The following SEMA3D variants were observed in gnomAD, a reference collection of about 807,000 sequenced individuals.
The protein encoded by SEMA3D is semaphorin-3D.
SEMA3D carries 84 observed loss-of-function variants against 100.1 expected under a neutral mutation model. The ratio of observed to expected loss-of-function variants is 0.84; its 90% CI spans 0.70 to 1.01. The LOEUF (loss-of-function observed/expected upper bound fraction) is 1.01, where lower values mean the gene tolerates loss of function less well. SEMA3D is among the 50% of genes least tolerant of loss of function. The pLI is 0.00. For missense variants in SEMA3D, 875 were observed against 934.1 expected, an observed-to-expected ratio of 0.94 and a Z score of 0.82; for synonymous variants, 312 against 320.7, an observed-to-expected ratio of 0.97 and a Z score of 0.29.
intron 6 of SEMA3D, among the ~76,000 whole-genome samples, chr7:85,070,010 C>A (rs1182383290): frequency 6.6e-6 from 1 of 152,130 alleles, no homozygotes; most frequent in Non-Finnish European, 1.5e-5. Context: ...AGTATACAAT[C>A]ATTTTCTCAT....
intron 4 of SEMA3D, among the ~76,000 whole-genome samples, chr7:85,084,150 A>C (rs1583906865): frequency 1.3e-5 from 2 of 151,866 alleles, no homozygotes; most frequent in Middle Eastern, 6.8e-3. Context: ...CCATCTCAAA[A>C]GAAAAAAAAA....
At chr7:85,206,482 T>C in the SEMA3D span, among the ~76,000 whole-genome samples, 2 of 152,092 alleles carry the variant, frequency 1.3e-5, no homozygotes, top group Non-Finnish European at 2.9e-5. Flanking sequence ...GTAGTTCTTT[T>C]CCTAGAAATT....
intron 18 of SEMA3D, among the ~76,000 whole-genome samples, chr7:85,000,221 T>C (rs568325868): frequency 1.1e-4 from 16 of 152,188 alleles, no homozygotes; most frequent in Non-Finnish European, 2.4e-4. Context: ...AGATTTCATA[T>C]ACAAATTACT....
intron 4 of SEMA3D, among the ~76,000 whole-genome samples, chr7:85,094,359 A>G (rs1788485953): frequency 6.6e-6 from 1 of 152,056 alleles, no homozygotes; most frequent in African/African-American, 2.4e-5. Flanking sequence ...GTTGTGGTGA[A>G]CAGATTAGAT....
intron 16 of SEMA3D, among the ~76,000 whole-genome samples, chr7:85,014,325 T>A (rs1790037884): frequency 6.6e-6 from 1 of 151,828 alleles, no homozygotes; most frequent in Non-Finnish European, 1.5e-5. Flanking sequence ...ATTAACATAG[T>A]ATATTTAGCT....
chr7:85,122,136 G>A (rs1268245114), intron 2 of SEMA3D, among the ~76,000 whole-genome samples: 1 of 151,480 alleles, frequency 6.6e-6, no homozygotes, highest in Non-Finnish European at 1.5e-5. Flanking sequence ...ACCTAATGTA[G>A]ATGACAGGTT....
rs751408256 is a variant in SEMA3D, at chr7:84,999,748, T to C, written c.2026A>G (p.Ile676Val). Residue 676 changes from isoleucine to valine, a missense_variant, in exon 19 of 19, where the codon ATA becomes GTA. Physicochemically the swap from Ile to Val is conservative, Grantham distance 29. Coordinates refer to ENST00000284136, the MANE Select transcript of SEMA3D (RefSeq NM_001384900.1). ...KAQEHTFIHTIVKLTLNVIEN... is the reference protein window; with the variant it reads ...KAQEHTFIHTVVKLTLNVIEN... ...ATGACATTCAAAGTCAGCTTCACTA[T>C]GGTGTGGATGAAAGTGTGCTCCTGG... The C allele has an allele frequency of 6.2e-6, 10 of 1,614,086 alleles. No homozygotes were observed. In the South Asian group the frequency reaches 1.1e-4, roughly 18 times the overall value.
At chr7:85,075,239 T>A (rs1434423992) in intron 5 of SEMA3D, among the ~76,000 whole-genome samples, 1 of 152,004 alleles carries the variant, frequency 6.6e-6, no homozygotes, top group South Asian at 2.1e-4. Context: ...CAGTTAGAAT[T>A]TAGAAAGTAA....
At chr7:85,138,833 C>T (rs1789953895) in intron 2 of SEMA3D, among the ~76,000 whole-genome samples, 1 of 151,238 alleles carries the variant, frequency 6.6e-6, no homozygotes, top group Non-Finnish European at 1.5e-5. Context: ...GCTGACAGGC[C>T]CCGATGTGTG....
the SEMA3D span, among the ~76,000 whole-genome samples, chr7:85,236,276 T>TTTAA: frequency 1.4e-5 from 2 of 139,066 alleles, no homozygotes; most frequent in African/African-American, 3.0e-5. Flanking sequence ...TTTTATTTTA[T>TTTAA]TTTATTTTAT....
chr7:85,225,050 TTATATATA>T, the SEMA3D span, among the ~76,000 whole-genome samples: 1,976 of 76,084 alleles, frequency 0.026, 43 homozygotes, highest in East Asian at 0.035. Flanking sequence ...TGATTTTCTT[TTATATATA>T]TATATATATA....
intron 1 of SEMA3D, among the ~76,000 whole-genome samples, chr7:85,176,100 C>T (rs1791217672): frequency 6.6e-6 from 1 of 151,816 alleles, no homozygotes; most frequent in East Asian, 1.9e-4. Flanking sequence ...TGAGTCTATA[C>T]AAAAAAGTGA....
rs11976959 is a variant in SEMA3D at position 85,147,097 on chromosome 7, T to C, written c.-41+6511A>G. Among the ~76,000 whole-genome samples, 274 of 70,948 alleles carry C rather than the reference T, an allele frequency of 3.9e-3. 3 individuals carry two copies. Among genetic ancestry groups the C allele is most frequent in the East Asian group, 0.03 (74 of 2,454 alleles). The allele number at this position is 70,948 out of a possible 152,430, so 46.5% of individuals were successfully genotyped here. ...CTTTCTTTTCTTTTTCTTTTCTTTT[T>C]TTTTTTTTTTTTTTTTTTTTTTGAG... On this transcript the variant is annotated intron_variant, in intron 2 of 18. Coordinates refer to ENST00000284136, the MANE Select transcript of SEMA3D (RefSeq NM_001384900.1).
chr7:85,096,343 A>C (rs185613651), intron 4 of SEMA3D, among the ~76,000 whole-genome samples: 1 of 152,072 alleles, frequency 6.6e-6, no homozygotes, highest in Admixed American at 6.6e-5. Context: ...AATGGAGGAC[A>C]AACTTTCAAA....
At chr7:85,116,547 T>C (rs1298132112) in intron 3 of SEMA3D, among the ~76,000 whole-genome samples, 2 of 151,382 alleles carry the variant, frequency 1.3e-5, no homozygotes, top group Non-Finnish European at 2.9e-5. Flanking sequence ...TGCTCAGATA[T>C]ATTTTGTGAA....
Position 85,081,557 on chromosome 7 carries a change from T to A in SEMA3D, c.335A>T (p.Glu112Val), listed in dbSNP as rs369780649. ...AGCTAATTTACATAATTCCACCCGT[T>A]CCTTTGCAGCAGGCCAATAAATCTG... Reference protein sequence around the residue: ...FKKIYWPAAKERVELCKLAGK... With the variant: ...FKKIYWPAAKVRVELCKLAGK... Residue 112 changes from glutamate to valine, a missense_variant, in exon 5 of 19, where the codon GAA becomes GTA. Transcript: ENST00000284136. The A allele has an allele frequency of 4.2e-5, 67 of 1,612,172 alleles. No homozygotes were observed. The highest frequency in any genetic ancestry group is 3.3e-4 in the Middle Eastern group (2 of 6,058).
At chr7:85,215,932 A>G in the SEMA3D span, among the ~76,000 whole-genome samples, 1 of 152,122 alleles carries the variant, frequency 6.6e-6, no homozygotes, top group Non-Finnish European at 1.5e-5. Flanking sequence ...GAGAAATTTA[A>G]AACAATTGGC....
At chr7:85,216,848 A>G in the SEMA3D span, among the ~76,000 whole-genome samples, 1 of 151,912 alleles carries the variant, frequency 6.6e-6, no homozygotes, top group Non-Finnish European at 1.5e-5. Context: ...ACTTAATTTA[A>G]TATTCTTAAT....
chr7:85,030,199 ATT>A (rs34800712), intron 12 of SEMA3D, among the ~76,000 whole-genome samples: 7,968 of 147,668 alleles, frequency 0.054, 707 homozygotes, highest in African/African-American at 0.19. Context: ...TTCACCACCT[ATT>A]TTTTTTTTTT....
Sources: gnomAD v4.1 joint callset for allele counts (sites outside exome capture counted in the v4.1 genomes callset) on GRCh38, gnomAD v4.1.1 for gene constraint, MANE v1.5 for transcripts, NCBI Gene and HGNC (gene_info 2026-07-23, HGNC 2026-07-21) for gene names.